The following C10orf143 variants were observed in gnomAD, a reference collection of about 807,000 sequenced individuals.
C10orf143 encodes chromosome 10 open reading frame 143, also known as uncharacterized protein C10orf143.
intron 1 of C10orf143, 107 bp downstream of exon 1, chr10:130,110,597 A>G (rs1319115993): frequency 2.5e-6 from 1 of 397,928 alleles, no homozygotes; most frequent in Admixed American, 4.4e-5. Flanking sequence ...GTCTTGGGCC[A>G]GGCCTCCTCA....
chr10:130,039,683 C>T (rs532024859), intron 3 of C10orf143, among the ~76,000 whole-genome samples: 1 of 152,278 alleles, frequency 6.6e-6, no homozygotes, highest in East Asian at 1.9e-4. Context: ...CACACTCATG[C>T]CCTGCAAGTC....
chr10:130,040,872 C>T (rs1004868403), intron 3 of C10orf143, among the ~76,000 whole-genome samples: 3 of 148,338 alleles, frequency 2.0e-5, no homozygotes, highest in Admixed American at 1.4e-4. Flanking sequence ...AGTGGCAGGG[C>T]CTATGGCTCA....
intron 3 of C10orf143, among the ~76,000 whole-genome samples, chr10:130,050,343 G>A (rs1250678948): frequency 6.6e-6 from 1 of 152,246 alleles, no homozygotes; most frequent in African/African-American, 2.4e-5. Context: ...GCCAAGGCGG[G>A]AGGATCACTT....
chr10:130,084,525 A>G (rs913508589), intron 1 of C10orf143, among the ~76,000 whole-genome samples: 1 of 152,196 alleles, frequency 6.6e-6, no homozygotes, highest in Non-Finnish European at 1.5e-5. Context: ...ATAAGCTACA[A>G]ATACAGAAAA....
chr10:130,106,273 A>G, intron 1 of C10orf143: 1 of 1,568,454 alleles, frequency 6.4e-7, no homozygotes, highest in Non-Finnish European at 8.8e-7. Context: ...GAAGAGAGAA[A>G]AAGCTTGCTA....
intron 4 of C10orf143, among the ~76,000 whole-genome samples, chr10:130,035,627 T>G (rs766392344): frequency 6.6e-6 from 1 of 151,506 alleles, no homozygotes; most frequent in African/African-American, 2.4e-5. Context: ...CTGTCTCACT[T>G]TATCCTCCCT....
chr10:130,058,189 G>A (rs900681880), intron 3 of C10orf143, among the ~76,000 whole-genome samples: 8 of 152,246 alleles, frequency 5.3e-5, no homozygotes, highest in African/African-American at 1.9e-4. Flanking sequence ...TTAAGAGTCT[G>A]CATTTTAACC....
chr10:130,089,765 A>T (rs1861351096), intron 1 of C10orf143, among the ~76,000 whole-genome samples: 1 of 152,216 alleles, frequency 6.6e-6, no homozygotes, highest in Admixed American at 6.5e-5. Context: ...TTATGGTCAA[A>T]TGATCTTTGA....
intron 1 of C10orf143, 86 bp downstream of exon 1, chr10:130,110,618 C>A (rs1314658609): frequency 5.3e-5 from 21 of 398,214 alleles, no homozygotes; most frequent in Non-Finnish European, 8.9e-5. Flanking sequence ...CAGGCAGGGC[C>A]GCGCCGGCAA....
chr10:130,041,311 G>A (rs1009303738), intron 3 of C10orf143, among the ~76,000 whole-genome samples: 6 of 152,230 alleles, frequency 3.9e-5, no homozygotes, highest in South Asian at 4.1e-4. Flanking sequence ...CCGAAGGTCA[G>A]GGGACAAGGC....
chr10:130,073,023 C>A (rs1391248140), intron 3 of C10orf143, among the ~76,000 whole-genome samples: 1 of 152,182 alleles, frequency 6.6e-6, no homozygotes, highest in Non-Finnish European at 1.5e-5. Context: ...TACTTTATAT[C>A]CACCTTCAGG....
intron 3 of C10orf143, among the ~76,000 whole-genome samples, chr10:130,045,650 G>A (rs1297461076): frequency 6.6e-6 from 1 of 152,256 alleles, no homozygotes; most frequent in African/African-American, 2.4e-5. Flanking sequence ...ATGCAGCCAA[G>A]GTGTCAATAG....
chr10:130,061,135 C>A (rs959444647), downstream of C10orf143, among the ~76,000 whole-genome samples: 3 of 152,064 alleles, frequency 2.0e-5, no homozygotes, highest in Non-Finnish European at 2.9e-5. Context: ...GGGACCTTGT[C>A]TCAAAATAAA....
chr10:130,047,662 C>G (rs1860692339), intron 3 of C10orf143, among the ~76,000 whole-genome samples: 1 of 152,218 alleles, frequency 6.6e-6, no homozygotes, highest in African/African-American at 2.4e-5. Context: ...TTCTCTTTCA[C>G]TCCTGTCCCT....
Position 130,110,717 on chromosome 10 carries a change from A to G in C10orf143, c.56T>C (p.Val19Ala). 2.5e-6 allele frequency: 1 copy of G among 398,812 alleles called. No individual in the cohort carries two copies. Among genetic ancestry groups the G allele is most frequent in the Non-Finnish European group, 4.4e-6 (1 of 226,032 alleles). 24.7% of individuals were successfully genotyped at this position (398,812 alleles called of 1,614,324 possible). ...WRQRRAEDLQ[V>A]PGDVKRVCRR... is the part of the protein sequence containing the mutation. Reference sequence around the variant, plus strand: ...CCGGGGGCTCACCACGTCCCCCGGAACCTGCAGATCCTCCGCCCTCCGCTG... The same window carrying G: ...CCGGGGGCTCACCACGTCCCCCGGAGCCTGCAGATCCTCCGCCCTCCGCTG... The change falls in exon 1 of 4, where the codon GTT becomes GCT. Residue 19 changes from valine (V) to alanine (A), a missense_variant. Transcript: ENST00000637128.
chr10:130,106,966 A>T (rs775424059), intron 1 of C10orf143: 1 of 1,028,258 alleles, frequency 9.7e-7, no homozygotes, highest in Non-Finnish European at 1.5e-6. Flanking sequence ...ATGATCCTCT[A>T]AAAGGAGCTC....
At chr10:130,084,562 T>G (rs1187024554) in intron 1 of C10orf143, among the ~76,000 whole-genome samples, 1 of 152,056 alleles carries the variant, frequency 6.6e-6, no homozygotes, top group Non-Finnish European at 1.5e-5. Context: ...AACCCAGTGG[T>G]GTTGCATTAG....
chr10:130,058,140 G>A (rs183901570), intron 3 of C10orf143, among the ~76,000 whole-genome samples: 47 of 152,318 alleles, frequency 3.1e-4, no homozygotes, highest in African/African-American at 1.1e-3. Flanking sequence ...TCTCCTGGGA[G>A]CTTATTCGAA....
intron 1 of C10orf143, among the ~76,000 whole-genome samples, chr10:130,086,996 G>A (rs904524524): frequency 1.1e-4 from 17 of 152,242 alleles, no homozygotes; most frequent in African/African-American, 4.1e-4. Flanking sequence ...CCTGTAGTAG[G>A]AGAAAGGAGA....
Sources: allele counts gnomAD v4.1 joint callset (sites outside exome capture counted in the v4.1 genomes callset), GRCh38; gene constraint gnomAD v4.1.1; transcripts MANE v1.5; gene names NCBI Gene and HGNC (gene_info 2026-07-23, HGNC 2026-07-21).